Variants in L3MBTL4 observed in about 807,000 individuals in gnomAD.
L3MBTL4 encodes lethal(3)malignant brain tumor-like protein 4.
Under a neutral mutation model 84.5 loss-of-function variants are expected in L3MBTL4, and 70 were observed. The observed-to-expected ratio is 0.83, with a 90% confidence interval of 0.68 to 1.01. The LOEUF is 1.01. Among genes scored for constraint, L3MBTL4 ranks in the 50% least tolerant of loss-of-function variants. The probability of loss-of-function intolerance (pLI) is 0.00; values close to 1 mark genes in which losing one functional copy is unlikely to be tolerated. For synonymous variants in L3MBTL4, 274 were observed against 259.8 expected (o/e 1.05, Z -0.52); for missense variants, 715 against 754.8 (o/e 0.95, Z 0.62).
At chr18:6,405,396 G>A (rs566151568) in intron 1 of L3MBTL4, among the ~76,000 whole-genome samples, 24 of 152,324 alleles carry the variant, frequency 1.6e-4, no homozygotes, top group Non-Finnish European at 2.6e-4. Context: ...CAGCCCTGCC[G>A]CTCTGCGACC....
At chr18:5,967,033 C>A (rs563175871) in intron 17 of L3MBTL4, among the ~76,000 whole-genome samples, 1 of 152,174 alleles carries the variant, frequency 6.6e-6, no homozygotes, top group Admixed American at 6.5e-5. Flanking sequence ...CACCTCTTCT[C>A]GTCTTATTCT....
chr18:6,089,401 C>G (rs1445542809), intron 15 of L3MBTL4, among the ~76,000 whole-genome samples: 4 of 152,076 alleles, frequency 2.6e-5, no homozygotes, highest in Non-Finnish European at 5.9e-5. Context: ...ACTTTAAGTT[C>G]TGGAGTATAT....
chr18:6,364,988 A>T (rs2144085670), intron 1 of L3MBTL4, among the ~76,000 whole-genome samples: 1 of 152,280 alleles, frequency 6.6e-6, no homozygotes, highest in South Asian at 2.1e-4. Flanking sequence ...TAGCAAAAAA[A>T]ATCAAAAGTG....
intron 14 of L3MBTL4, among the ~76,000 whole-genome samples, chr18:6,126,791 G>A (rs1194712017): frequency 6.6e-6 from 1 of 151,984 alleles, no homozygotes; most frequent in African/African-American, 2.4e-5. Flanking sequence ...TACTAAATTG[G>A]GTAATTAATC....
intron 16 of L3MBTL4, among the ~76,000 whole-genome samples, chr18:6,071,770 A>AAAGAAAG (rs2057642339): frequency 9.4e-6 from 1 of 106,362 alleles, no homozygotes; most frequent in Admixed American, 1.0e-4. Context: ...AAAAAGAAAG[A>AAAGAAAG]AAGAAAGAAA....
intron 16 of L3MBTL4, among the ~76,000 whole-genome samples, chr18:6,026,436 A>G (rs1389692788): frequency 2.6e-5 from 4 of 152,216 alleles, no homozygotes; most frequent in African/African-American, 9.7e-5. Flanking sequence ...AAGAAGTAAG[A>G]GTTAATCTTT....
intron 16 of L3MBTL4, among the ~76,000 whole-genome samples, chr18:6,009,049 C>G (rs998516738): frequency 5.3e-5 from 8 of 152,162 alleles, no homozygotes; most frequent in African/African-American, 1.9e-4. Context: ...AGGAACCACA[C>G]AGACCTCGGG....
At chr18:6,384,406 C>CT (rs1423786056) in intron 1 of L3MBTL4, among the ~76,000 whole-genome samples, 1 of 152,128 alleles carries the variant, frequency 6.6e-6, no homozygotes, top group East Asian at 1.9e-4. Flanking sequence ...CAAAGTGGTA[C>CT]TAATGGCTGT....
chr18:6,019,958 G>A (rs555172092), intron 16 of L3MBTL4, among the ~76,000 whole-genome samples: 1 of 152,302 alleles, frequency 6.6e-6, no homozygotes, highest in East Asian at 1.9e-4. Context: ...TGCGTTCCCA[G>A]GGTGCATCAT....
At chr18:6,236,417 A>T (rs760501481) in intron 10 of L3MBTL4, among the ~76,000 whole-genome samples, 2 of 152,208 alleles carry the variant, frequency 1.3e-5, no homozygotes, top group Non-Finnish European at 1.5e-5. Flanking sequence ...ATAATCCTGG[A>T]ACTCTAATTC....
At chr18:6,315,078 T>C (rs1465442237) in intron 1 of L3MBTL4, among the ~76,000 whole-genome samples, 1 of 152,224 alleles carries the variant, frequency 6.6e-6, no homozygotes, top group Non-Finnish European at 1.5e-5. Context: ...AGAAATGTAA[T>C]ACATGCCATT....
At chr18:6,117,733 G>A (rs924757432) in intron 14 of L3MBTL4, among the ~76,000 whole-genome samples, 5 of 152,156 alleles carry the variant, frequency 3.3e-5, no homozygotes, top group Non-Finnish European at 5.9e-5. Context: ...GCACACAACA[G>A]AAACCCAATA....
At chr18:6,364,931 T>C (rs747021963) in intron 1 of L3MBTL4, among the ~76,000 whole-genome samples, 1 of 151,988 alleles carries the variant, frequency 6.6e-6, no homozygotes, top group South Asian at 2.1e-4. Context: ...GAAAAAAGAC[T>C]AGTAACCAAG....
intron 1 of L3MBTL4, among the ~76,000 whole-genome samples, chr18:6,320,724 C>G (rs2051360021): frequency 6.6e-6 from 1 of 152,162 alleles, no homozygotes; most frequent in African/African-American, 2.4e-5. Flanking sequence ...TTATTTTTCA[C>G]AAAATTAGGA....
At chr18:6,218,884 A>T (rs2046433522) in intron 10 of L3MBTL4, among the ~76,000 whole-genome samples, 1 of 152,146 alleles carries the variant, frequency 6.6e-6, no homozygotes, top group South Asian at 2.1e-4. Context: ...TGCACACAGC[A>T]GTGCAGCAAT....
At chr18:6,094,227 C>G (rs1465802496) in intron 14 of L3MBTL4, among the ~76,000 whole-genome samples, 3 of 152,198 alleles carry the variant, frequency 2.0e-5, no homozygotes, top group African/African-American at 4.8e-5. Flanking sequence ...GATGGGCTGT[C>G]TCCATTAGAT....
At chr18:5,995,413 A>G (rs2053912803) in intron 16 of L3MBTL4, among the ~76,000 whole-genome samples, 1 of 152,060 alleles carries the variant, frequency 6.6e-6, no homozygotes, top group South Asian at 2.1e-4. Context: ...CAGACTAGCT[A>G]TTTTTGAAGA....
intron 16 of L3MBTL4, among the ~76,000 whole-genome samples, chr18:6,056,140 A>G (rs1344334087): frequency 6.6e-6 from 1 of 152,074 alleles, no homozygotes; most frequent in African/African-American, 2.4e-5. Flanking sequence ...ATTAACAGTG[A>G]GACAGCGATT....
chr18:6,195,387 T>C (rs2045329244), intron 12 of L3MBTL4, among the ~76,000 whole-genome samples: 1 of 152,208 alleles, frequency 6.6e-6, no homozygotes, highest in South Asian at 2.1e-4. Flanking sequence ...ATCCCACTAC[T>C]AGGTACTTGA....
Sources: allele counts gnomAD v4.1 joint callset (sites outside exome capture counted in the v4.1 genomes callset), GRCh38; gene constraint gnomAD v4.1.1; transcripts MANE v1.5; gene names NCBI Gene and HGNC (gene_info 2026-07-23, HGNC 2026-07-21).